Variants in SCFD2 observed in about 807,000 individuals in gnomAD.
SCFD2 encodes the protein sec1 family domain-containing protein 2.
Under a neutral mutation model 58.9 loss-of-function variants are expected in SCFD2, and 54 were observed. The observed-to-expected ratio is 0.92, with a 90% CI of 0.74 to 1.15. The LOEUF (loss-of-function observed/expected upper bound fraction) is 1.15. SCFD2 is among the 50% of genes most tolerant of loss of function. The probability of loss-of-function intolerance (pLI) is 0.00; values close to 1 mark genes in which losing one functional copy is unlikely to be tolerated. For missense variants in SCFD2, 805 were observed against 836.6 expected (o/e 0.96, Z 0.47); for synonymous variants, 321 against 335.9 (o/e 0.96, Z 0.49).
rs150218696 is a variant in SCFD2 at position 53,313,666 on chromosome 4, T to C, written c.1105A>G (p.Arg369Gly). 6.2e-7 allele frequency: 1 copy of C among 1,614,064 alleles called. No homozygotes were observed. Among genetic ancestry groups the C allele is most frequent in the Non-Finnish European group, 8.5e-7 (1 of 1,179,948 alleles). ...CTCATCTTGATTGGCAGGTTTTCTCTGCTTGCCGCTTCCACTAGATGTCTC... is the reference window on the plus strand; with the variant it reads ...CTCATCTTGATTGGCAGGTTTTCTCCGCTTGCCGCTTCCACTAGATGTCTC... ...VRRHLVEAAS[R>G]ENLPIKMSMG... The change falls in exon 3 of 9, where the codon AGA becomes GGA. Residue 369 changes from arginine (R) to glycine (G), a missense_variant. Around this residue, in one of 3 missense-constraint regions of SCFD2, gnomAD observed 633 missense variants for 646.8 expected, o/e 0.98. Transcript: ENST00000401642.
intron 6 of SCFD2, 117 bp from the exon 7 acceptor site, chr4:52,907,708 ATGTGTGTGTG>A (rs10557430): frequency 4.2e-5 from 29 of 685,068 alleles, no homozygotes; most frequent in East Asian, 1.9e-4. Context: ...CAATGCCTAT[ATGTGTGTGTG>A]TGTGTGTGTG....
At chr4:53,325,723 T>C (rs144005059) in intron 2 of SCFD2, among the ~76,000 whole-genome samples, 199 of 152,328 alleles carry the variant, frequency 1.3e-3, no homozygotes, top group African/African-American at 4.5e-3. Flanking sequence ...CAAGCATATA[T>C]GGTAGGCATT....
At chr4:53,352,311 T>C (rs1734245264) in intron 2 of SCFD2, among the ~76,000 whole-genome samples, 2 of 152,260 alleles carry the variant, frequency 1.3e-5, no homozygotes, top group South Asian at 4.1e-4. Context: ...TGAAACTATC[T>C]GTGAAATGGA....
chr4:52,886,109 G>A (rs1431358269), intron 7 of SCFD2, among the ~76,000 whole-genome samples: 2 of 152,176 alleles, frequency 1.3e-5, no homozygotes, highest in Non-Finnish European at 2.9e-5. Flanking sequence ...CCCATTTGGT[G>A]TGTTTTCCTC....
chr4:53,016,343 C>A (rs1390746054), intron 5 of SCFD2, among the ~76,000 whole-genome samples: 1 of 152,096 alleles, frequency 6.6e-6, no homozygotes, highest in Non-Finnish European at 1.5e-5. Flanking sequence ...CAATCAGTAG[C>A]CATGGAAATA....
At chr4:53,125,615 C>A (rs527430474) in intron 5 of SCFD2, among the ~76,000 whole-genome samples, 3 of 152,352 alleles carry the variant, frequency 2.0e-5, no homozygotes, top group African/African-American at 7.2e-5. Context: ...AATGGGCACA[C>A]ATGCCTGACG....
intron 5 of SCFD2, among the ~76,000 whole-genome samples, chr4:53,015,303 G>T (rs1296110322): frequency 1.3e-5 from 2 of 152,126 alleles, no homozygotes; most frequent in Non-Finnish European, 2.9e-5. Flanking sequence ...TAAAACACCT[G>T]TCATTCATCT....
At chr4:53,167,232 C>T (rs1727037321) in intron 4 of SCFD2, among the ~76,000 whole-genome samples, 1 of 152,156 alleles carries the variant, frequency 6.6e-6, no homozygotes, top group South Asian at 2.1e-4. Flanking sequence ...CTGCGTATAC[C>T]CAGAATACTC....
At chr4:53,209,863 C>G (rs774709855) in intron 4 of SCFD2, among the ~76,000 whole-genome samples, 1 of 151,692 alleles carries the variant, frequency 6.6e-6, no homozygotes, top group Non-Finnish European at 1.5e-5. Context: ...ATCAGTAAAC[C>G]CTTTCTCAAA....
intron 2 of SCFD2, among the ~76,000 whole-genome samples, chr4:53,330,219 C>A (rs566177359): frequency 6.6e-6 from 1 of 152,064 alleles, no homozygotes; most frequent in Non-Finnish European, 1.5e-5. Context: ...GGCAAGCCAA[C>A]GTTCAGATTC....
chr4:53,330,571 G>A (rs574310679), intron 2 of SCFD2, among the ~76,000 whole-genome samples: 1 of 152,122 alleles, frequency 6.6e-6, no homozygotes, highest in Non-Finnish European at 1.5e-5. Context: ...CACCAGGCCT[G>A]CTTTACAAGA....
At chr4:53,166,282 C>T (rs1361291499) in intron 4 of SCFD2, among the ~76,000 whole-genome samples, 2 of 152,168 alleles carry the variant, frequency 1.3e-5, no homozygotes, top group Admixed American at 6.5e-5. Context: ...ATCTGTATAT[C>T]TTTTTGATAT....
At chr4:53,115,426 C>T (rs567505490) in intron 5 of SCFD2, among the ~76,000 whole-genome samples, 33 of 152,092 alleles carry the variant, frequency 2.2e-4, no homozygotes, top group Non-Finnish European at 4.6e-4. Context: ...AGCTTCCACA[C>T]ACATGGAAGT....
At chr4:53,193,603 C>A (rs1400543912) in intron 4 of SCFD2, among the ~76,000 whole-genome samples, 2 of 152,132 alleles carry the variant, frequency 1.3e-5, no homozygotes, top group East Asian at 3.9e-4. Context: ...GAAACCTTCA[C>A]CTTACCAACA....
chr4:52,889,805 C>T (rs4864691), intron 7 of SCFD2, among the ~76,000 whole-genome samples: 41,855 of 152,086 alleles, frequency 0.28, 6,228 homozygotes, highest in African/African-American at 0.39. Context: ...TCCCCACAGG[C>T]AATCATCATC....
intron 4 of SCFD2, among the ~76,000 whole-genome samples, chr4:53,179,364 G>T (rs1239409642): frequency 6.6e-6 from 1 of 152,136 alleles, no homozygotes; most frequent in African/African-American, 2.4e-5. Context: ...TTAAAAAAAA[G>T]AATTTTCAAC....
At chr4:53,230,015 T>C (rs1449050147) in intron 4 of SCFD2, among the ~76,000 whole-genome samples, 2 of 151,908 alleles carry the variant, frequency 1.3e-5, no homozygotes, top group East Asian at 1.9e-4. Context: ...AAAAAACACA[T>C]GAAAAAATGC....
intron 4 of SCFD2, among the ~76,000 whole-genome samples, chr4:53,156,137 A>G (rs1726672687): frequency 1.3e-5 from 2 of 152,182 alleles, no homozygotes; most frequent in Admixed American, 6.5e-5. Flanking sequence ...TAATCCCTGC[A>G]CTTTGGGAGG....
chr4:53,338,404 GAAATATAC>G (rs1733746420), intron 2 of SCFD2, among the ~76,000 whole-genome samples: 1 of 151,790 alleles, frequency 6.6e-6, no homozygotes, highest in Non-Finnish European at 1.5e-5. Flanking sequence ...TAAACCCAAG[GAAATATAC>G]ACCAACACAC....
Sources: allele counts gnomAD v4.1 joint callset (sites outside exome capture counted in the v4.1 genomes callset), GRCh38; gene constraint gnomAD v4.1.1; regional missense constraint gnomAD v4.1.1; transcripts MANE v1.5; gene names NCBI Gene and HGNC (gene_info 2026-07-23, HGNC 2026-07-21).